Variants in DYSF observed in about 807,000 individuals in gnomAD.
DYSF encodes the protein dystrophy-associated fer-1-like 1.
In DYSF, 212 loss-of-function variants were observed where a neutral mutation model predicts 274.9. That is an observed-to-expected ratio of 0.77 (90% CI 0.69 to 0.86). The LOEUF is 0.86. Ranked by LOEUF, DYSF falls within the 40% of genes least tolerant of loss-of-function variation. DYSF has a pLI of 0.00. For missense variants in DYSF, 2,666 were observed against 2,783.2 expected, an observed-to-expected ratio of 0.96 and a Z score of 0.95; for synonymous variants, 1,091 against 1,078.7, an observed-to-expected ratio of 1.01 and a Z score of -0.22.
intron 5 of DYSF, among the ~76,000 whole-genome samples, chr2:71,512,575 G>C (rs2086208460): frequency 6.6e-6 from 1 of 152,342 alleles, no homozygotes; most frequent in East Asian, 1.9e-4. Context: ...CCAGCCCGGG[G>C]TGGCTGGCTC....
Position 71,598,573 on chromosome 2 carries a change from C to G in DYSF, c.3584C>G (p.Ala1195Gly). 1 of 1,614,222 alleles carries G rather than the reference C, an allele frequency of 6.2e-7. No homozygotes were observed. Among genetic ancestry groups the G allele is most frequent in the Non-Finnish European group, 8.5e-7 (1 of 1,180,054 alleles). The change falls in exon 33 of 56, where the codon GCC (alanine) becomes GGC (glycine). Residue 1195 changes from alanine (A) to glycine (G), a missense_variant. Ala to Gly is a moderately conservative substitution (Grantham distance 60). Coordinates refer to ENST00000410020, the MANE Select transcript of DYSF (RefSeq NM_001130987.2). ...MDKDSFSDPYAIVSFLHQSQK... is the reference protein window; with the variant it reads ...MDKDSFSDPYGIVSFLHQSQK... ...TCTCCGGCCCATGCAGATCCCTATG[C>G]CATCGTCTCCTTCCTGCACCAGAGC...
rs146591465 is a variant in DYSF, at chr2:71,459,525, C to T, written c.88+5439C>T. Among the ~76,000 whole-genome samples the T allele has an allele frequency of 4.9e-3, 752 of 152,084 alleles. 4 individuals carry two copies. The highest frequency in any genetic ancestry group is 0.01 in the Middle Eastern group (3 of 294). ...GGACACCTGGTCTACAGGTGCCAGA[C>T]GGTCAGTGTTAGGTGGAAAATCTAG... On this transcript the variant is annotated intron_variant, in intron 1 of 54. Transcript: ENST00000258104.
chr2:71,529,441 C>G (rs2088386241), intron 14 of DYSF, among the ~76,000 whole-genome samples: 1 of 152,220 alleles, frequency 6.6e-6, no homozygotes, highest in South Asian at 2.1e-4. Context: ...TCTGACTCCT[C>G]TCTTTCCTGT....
intron 1 of DYSF, among the ~76,000 whole-genome samples, chr2:71,478,738 T>C (rs886518344): frequency 6.6e-6 from 1 of 151,976 alleles, no homozygotes; most frequent in African/African-American, 2.4e-5. Flanking sequence ...AACGAGCAAA[T>C]ATTTACAAGA....
intron 1 of DYSF, among the ~76,000 whole-genome samples, chr2:71,468,971 G>T (rs2081756869): frequency 6.6e-6 from 1 of 152,158 alleles, no homozygotes; most frequent in African/African-American, 2.4e-5. Context: ...TTTAGTCTGG[G>T]ACATGGTCCG....
At chr2:71,660,784 G>A in intron 45 of DYSF, 133 bp downstream of exon 45, 1 of 772,450 alleles carries the variant, frequency 1.3e-6, no homozygotes, top group Admixed American at 2.0e-5. Flanking sequence ...AATCTTGCAT[G>A]TCTATGGGGG....
chr2:71,513,577 A>G (rs2086329269), intron 6 of DYSF, 139 bp from the exon 7 acceptor site: 2 of 911,346 alleles, frequency 2.2e-6, no homozygotes, highest in Non-Finnish European at 3.4e-6. Context: ...ACTGATGGGG[A>G]GGGAGGAGGG....
chr2:71,615,340 G>T lies in DYSF; in HGVS notation c.4464+1930G>T, dbSNP rs2152881233. On this transcript the variant is annotated intron_variant, in intron 40 of 55. Coordinates refer to ENST00000410020, the MANE Select transcript of DYSF (RefSeq NM_001130987.2). This position sits in a 1 kb window ranked among gnomAD's most constrained non-coding sequence, Gnocchi z 4.9. Reference sequence around the variant, plus strand: ...GCTCCTGGAGGTGTACCCACCTGGGGAGGGGCTGGGCCTCCCCTGGCCTGG... The same window carrying T: ...GCTCCTGGAGGTGTACCCACCTGGGTAGGGGCTGGGCCTCCCCTGGCCTGG... Among the ~76,000 whole-genome samples the T allele has an allele frequency of 6.6e-6, 1 of 152,128 alleles. No homozygotes were observed. Among genetic ancestry groups the T allele is most frequent in the East Asian group, 1.9e-4 (1 of 5,160 alleles).
intron 1 of DYSF, among the ~76,000 whole-genome samples, chr2:71,469,901 T>A (rs1419260911): frequency 6.6e-6 from 1 of 152,228 alleles, no homozygotes; most frequent in Non-Finnish European, 1.5e-5. Context: ...CATTCCTTAA[T>A]GTGATTATTT....
intron 41 of DYSF, among the ~76,000 whole-genome samples, chr2:71,623,342 C>T (rs1421662464): frequency 6.4e-5 from 8 of 124,142 alleles, no homozygotes; most frequent in Admixed American, 3.9e-4. Flanking sequence ...CACCCCACAA[C>T]AGTCCCCAGA....
chr2:71,503,453 C>G (rs1430344785), intron 4 of DYSF, 134 bp downstream of exon 4: 1 of 914,632 alleles, frequency 1.1e-6, no homozygotes, highest in East Asian at 2.6e-5. Flanking sequence ...CCCTCCCTGA[C>G]CAGAGTTTGC....
intron 48 of DYSF, among the ~76,000 whole-genome samples, chr2:71,667,831 G>A (rs1180811453): frequency 6.6e-6 from 1 of 152,128 alleles, no homozygotes; most frequent in Non-Finnish European, 1.5e-5. Context: ...CTTCAGGTTG[G>A]ATTCCCCCAT....
chr2:71,479,548 G>A (rs771831514), intron 1 of DYSF, among the ~76,000 whole-genome samples: 29 of 152,162 alleles, frequency 1.9e-4, no homozygotes, highest in African/African-American at 6.8e-4. Context: ...CCCAGCCTAC[G>A]GCTCTTCCAT....
At chr2:71,683,053 G>A (rs2095315280) in intron 55 of DYSF, among the ~76,000 whole-genome samples, 1 of 152,190 alleles carries the variant, frequency 6.6e-6, no homozygotes, top group Non-Finnish European at 1.5e-5. Context: ...AGGAAGGTGA[G>A]ATGTTGATGG....
In DYSF at chr2:71,570,754, G is replaced by T; in HGVS notation, c.3228+13G>T. 1 of 1,613,384 alleles carries T rather than the reference G, an allele frequency of 6.2e-7. No homozygotes were observed. The highest frequency in any genetic ancestry group is 8.5e-7 in the Non-Finnish European group (1 of 1,179,864). ...AGCACTGAAAAGGGTGAGCCAGCAG[G>T]TGGTGGGTGGGAGTGAGGCCTGTGG... On this transcript the variant is annotated intron_variant, in intron 29 of 55. Coordinates refer to ENST00000410020, the MANE Select transcript of DYSF (RefSeq NM_001130987.2).
intron 1 of DYSF, among the ~76,000 whole-genome samples, chr2:71,458,924 ACTGT>A (rs999334943): frequency 2.0e-5 from 3 of 152,164 alleles, no homozygotes; most frequent in African/African-American, 7.2e-5. Context: ...GAAGCCCAGG[ACTGT>A]CTGATTGTTT....
At chr2:71,649,776 G>A (rs989574530) in intron 42 of DYSF, among the ~76,000 whole-genome samples, 3 of 152,152 alleles carry the variant, frequency 2.0e-5, no homozygotes, top group African/African-American at 7.2e-5. Flanking sequence ...AAACATATCT[G>A]TCTTGTCAAT....
At chr2:71,472,653 G>A (rs1206617313) in intron 1 of DYSF, among the ~76,000 whole-genome samples, 9 of 152,110 alleles carry the variant, frequency 5.9e-5, no homozygotes, top group South Asian at 2.1e-4. Flanking sequence ...TGATCCACCC[G>A]CCTTGGCCTC....
In DYSF at chr2:71,679,143, C is replaced by T. The variant is rs2095263784; in HGVS notation, c.5971C>T (p.His1991Tyr). ...CTTGGACCAGCTGGATGATGCTTTC[C>T]ACCCAGAATGGTTTGTGTCCCTTTT... ...CSLDQLDDAF[H>Y]PEWFVSLFEQ... The change falls in exon 53 of 56, where the codon CAC becomes TAC. Residue 1991 changes from histidine to tyrosine, a missense_variant. Transcript: ENST00000410020. 2 of 1,613,976 alleles carry T rather than the reference C, an allele frequency of 1.2e-6. No individual in the cohort carries two copies. Among genetic ancestry groups the T allele is most frequent in the African/African-American group, 1.3e-5 (1 of 74,896 alleles).
Sources: allele counts gnomAD v4.1 joint callset (sites outside exome capture counted in the v4.1 genomes callset), GRCh38; gene constraint gnomAD v4.1.1; non-coding constraint Gnocchi (gnomAD v3.1); transcripts MANE v1.5; gene names NCBI Gene and HGNC (gene_info 2026-07-23, HGNC 2026-07-21).